The following EPM2A variants were observed in gnomAD, a reference collection of about 807,000 sequenced individuals.
EPM2A encodes EPM2A glucan phosphatase, laforin.
In EPM2A, 21 loss-of-function variants were observed where a neutral mutation model predicts 26.5. That is an observed-to-expected ratio of 0.79 (90% CI 0.56 to 1.14). EPM2A has a LOEUF of 1.14. Among genes scored for constraint, EPM2A ranks in the 50% most tolerant of loss-of-function variants. EPM2A has a pLI of 0.00. For synonymous variants in EPM2A, 217 were observed against 177.6 expected (o/e 1.22, Z -1.76); for missense variants, 458 against 440.8 (o/e 1.04, Z -0.35).
In EPM2A at chr6:145,481,466, G is replaced by A. The variant is rs530770682; in HGVS notation, c.555+21056C>T. On this transcript the variant is annotated intron_variant, in intron 4 of 4. Transcript: ENST00000638717. The stretch of plus-strand genomic sequence containing the variant: ...TTCAGGGAAAGCATTACCGGTAGCT[G>A]CCCTTGATGAGCTTATTAAATGCTA... Among the ~76,000 whole-genome samples, 9 of 152,164 alleles carry A rather than the reference G, an allele frequency of 5.9e-5. No homozygotes were observed. In the South Asian group the frequency reaches 1.2e-3, roughly 21 times the overall value.
At chr6:145,729,586 G>A (rs963218020) in intron 1 of EPM2A, among the ~76,000 whole-genome samples, 3 of 151,982 alleles carry the variant, frequency 2.0e-5, no homozygotes, top group East Asian at 1.9e-4. Flanking sequence ...TTTGACTAAC[G>A]TCTCCCTTTT....
chr6:145,476,071 G>T (rs1447636420), intron 4 of EPM2A, among the ~76,000 whole-genome samples: 1 of 151,962 alleles, frequency 6.6e-6, no homozygotes, highest in Non-Finnish European at 1.5e-5. Flanking sequence ...ATAAAGGGAT[G>T]GAAAAACATA....
At chr6:145,435,412 TATA>T (rs1562333503) in intron 4 of EPM2A, among the ~76,000 whole-genome samples, 1,537 of 105,164 alleles carry the variant, frequency 0.015, 26 homozygotes, top group African/African-American at 0.045. Flanking sequence ...GAAGAATTTA[TATA>T]TATATATATA....
chr6:145,628,322 T>C (rs1028909594), intron 3 of EPM2A: 1 of 154,268 alleles, frequency 6.5e-6, no homozygotes, highest in Non-Finnish European at 1.4e-5. Flanking sequence ...AATTTTATAA[T>C]TTGGGGTTTA....
chr6:145,486,885 G>T (rs1582792478), intron 4 of EPM2A, among the ~76,000 whole-genome samples: 1 of 152,014 alleles, frequency 6.6e-6, no homozygotes, highest in African/African-American at 2.4e-5. Context: ...GGATGCGCAG[G>T]TTTGTTATAT....
At chr6:145,527,390 G>A (rs1188655998) in intron 2 of EPM2A, among the ~76,000 whole-genome samples, 2 of 151,972 alleles carry the variant, frequency 1.3e-5, no homozygotes, top group Non-Finnish European at 2.9e-5. Context: ...GTGGGGTGTT[G>A]AAGCCCCCCT....
intron 1 of EPM2A, among the ~76,000 whole-genome samples, chr6:145,708,345 G>T (rs1782343398): frequency 6.6e-6 from 1 of 152,198 alleles, no homozygotes; most frequent in Admixed American, 6.5e-5. Flanking sequence ...GAATGTCAGA[G>T]ACCTTTGCAG....
At chr6:145,477,040 A>C (rs904360093) in intron 4 of EPM2A, among the ~76,000 whole-genome samples, 1 of 151,924 alleles carries the variant, frequency 6.6e-6, no homozygotes, top group African/African-American at 2.4e-5. Flanking sequence ...AAAATGGACA[A>C]ACTTTCAGCC....
chr6:145,723,557 T>A (rs565692275), intron 1 of EPM2A, among the ~76,000 whole-genome samples: 2 of 152,246 alleles, frequency 1.3e-5, no homozygotes, highest in South Asian at 4.1e-4. Context: ...CAAAATTTTT[T>A]AAAATCAGTA....
intron 4 of EPM2A, among the ~76,000 whole-genome samples, chr6:145,438,550 T>G (rs1779019201): frequency 6.7e-6 from 1 of 148,266 alleles, no homozygotes; most frequent in East Asian, 2.1e-4. Flanking sequence ...CTTGGCTCCC[T>G]GCAACCTCTG....
chr6:145,724,474 C>G, intron 1 of EPM2A, among the ~76,000 whole-genome samples: 1 of 152,056 alleles, frequency 6.6e-6, no homozygotes, highest in Admixed American at 6.6e-5. Flanking sequence ...AACACAAAAT[C>G]ACAGCAAGCT....
intron 2 of EPM2A, among the ~76,000 whole-genome samples, chr6:145,539,579 T>C (rs1780479695): frequency 6.6e-6 from 1 of 152,166 alleles, no homozygotes; most frequent in South Asian, 2.1e-4. Flanking sequence ...TATAATTCCT[T>C]ATGTCTTTCC....
At chr6:145,724,279 C>A (rs1209890154) in intron 1 of EPM2A, among the ~76,000 whole-genome samples, 2 of 151,952 alleles carry the variant, frequency 1.3e-5, no homozygotes, top group Non-Finnish European at 2.9e-5. Context: ...AATTTATTTC[C>A]TAGATATCAG....
intron 2 of EPM2A, among the ~76,000 whole-genome samples, chr6:145,561,995 AC>A (rs1209101408): frequency 6.6e-6 from 1 of 152,086 alleles, no homozygotes; most frequent in Non-Finnish European, 1.5e-5. Context: ...GCAAACCACC[AC>A]AACACATGTA....
Position 145,384,569 on chromosome 6 carries a change from T to C in EPM2A, c.556-472A>G, listed in dbSNP as rs1004031141. ...GGAGGTTGGACTTTATAACCCCTCA[T>C]TGATCTGGCATTGGCTGCAGGCTAC... is the stretch of plus-strand genomic sequence containing the variant. On this transcript the variant is annotated intron_variant, in intron 4 of 4. Coordinates refer to the EPM2A transcript ENST00000638717. Among the ~76,000 whole-genome samples the C allele has an allele frequency of 3.4e-5, 5 of 147,634 alleles. 1 individual carries two copies. Among genetic ancestry groups the C allele is most frequent in the Admixed American group, 1.4e-4 (2 of 14,454 alleles).
intron 4 of EPM2A, among the ~76,000 whole-genome samples, chr6:145,395,462 C>T (rs1439936798): frequency 1.3e-5 from 2 of 152,260 alleles, no homozygotes; most frequent in Middle Eastern, 3.4e-3. Flanking sequence ...TAGCTCTACC[C>T]TATCTTAGGA....
intron 2 of EPM2A, chr6:145,640,234 G>A (rs187454104): frequency 2.6e-5 from 4 of 152,294 alleles, no homozygotes; most frequent in East Asian, 1.9e-4. Flanking sequence ...ACAGGGTATC[G>A]ACAGGAGAAG....
chr6:145,702,257 T>C (rs1461513548), intron 1 of EPM2A, among the ~76,000 whole-genome samples: 1 of 152,210 alleles, frequency 6.6e-6, no homozygotes. Flanking sequence ...TCTTTACCTG[T>C]GTGCAATACT....
chr6:145,393,275 A>G (rs1027387890), intron 4 of EPM2A, among the ~76,000 whole-genome samples: 7 of 152,192 alleles, frequency 4.6e-5, no homozygotes, highest in African/African-American at 1.7e-4. Flanking sequence ...TCATGGCCCT[A>G]CACATTAAGC....
Sources: gnomAD v4.1 joint callset for allele counts (sites outside exome capture counted in the v4.1 genomes callset) on GRCh38, gnomAD v4.1.1 for gene constraint, MANE v1.5 for transcripts, NCBI Gene and HGNC (gene_info 2026-07-23, HGNC 2026-07-21) for gene names.